Variants in MAGI2 observed in about 807,000 individuals in gnomAD.
The protein encoded by MAGI2 is membrane associated guanylate kinase, WW and PDZ domain containing 2.
In MAGI2, 35 loss-of-function variants were observed where a neutral mutation model predicts 133.3. The ratio of observed to expected loss-of-function variants is 0.26; its 90% CI spans 0.20 to 0.35. The LOEUF (loss-of-function observed/expected upper bound fraction) is 0.35. Ranked by LOEUF, MAGI2 falls within the 10% of genes least tolerant of loss-of-function variation. The pLI is 1.00. For synonymous variants in MAGI2, 729 were observed against 710.6 expected, an observed-to-expected ratio of 1.03 and a Z score of -0.41; for missense variants, 1,636 against 1,863.4, an observed-to-expected ratio of 0.88 and a Z score of 2.25.
chr7:78,640,109 T>C (rs1486457987), intron 2 of MAGI2, among the ~76,000 whole-genome samples: 1 of 152,144 alleles, frequency 6.6e-6, no homozygotes, highest in Non-Finnish European at 1.5e-5. Context: ...TATTCAATTG[T>C]CATAATCCCC....
At chr7:79,240,901 A>G (rs1001775407) in intron 1 of MAGI2, among the ~76,000 whole-genome samples, 35 of 152,156 alleles carry the variant, frequency 2.3e-4, no homozygotes, top group Non-Finnish European at 4.0e-4. Flanking sequence ...GTGAGGAGGT[A>G]ACGGCTGGGC....
At chr7:79,028,235 G>GTATGTA (rs1554336342) in intron 1 of MAGI2, among the ~76,000 whole-genome samples, 4 of 29,334 alleles carry the variant, frequency 1.4e-4, no homozygotes, top group East Asian at 1.1e-3. Flanking sequence ...ATATATGTAT[G>GTATGTA]TATATATATA....
chr7:78,576,788 T>C (rs530431320), intron 3 of MAGI2, among the ~76,000 whole-genome samples: 31 of 152,308 alleles, frequency 2.0e-4, no homozygotes, highest in African/African-American at 7.5e-4. Flanking sequence ...TTCTGAAGTC[T>C]TCCATGTCAT....
At chr7:78,463,804 T>C (rs1409190748) in intron 6 of MAGI2, among the ~76,000 whole-genome samples, 3 of 152,110 alleles carry the variant, frequency 2.0e-5, no homozygotes, top group African/African-American at 7.2e-5. Context: ...TTTTAGTCAA[T>C]GTTGGATTTG....
At chr7:78,333,505 C>CTACTGATTAGA (rs1789446046) in intron 9 of MAGI2, among the ~76,000 whole-genome samples, 1 of 152,212 alleles carries the variant, frequency 6.6e-6, no homozygotes, top group Admixed American at 6.5e-5. Context: ...AGTTGCATTT[C>CTACTGATTAGA]TCTGATTAGA....
intron 9 of MAGI2, among the ~76,000 whole-genome samples, chr7:78,305,793 T>C (rs1562793112): frequency 6.6e-6 from 1 of 152,222 alleles, no homozygotes; most frequent in Non-Finnish European, 1.5e-5. Context: ...ATTGGTAATA[T>C]AGTCTTTTCA....
chr7:79,186,227 TA>T lies in MAGI2; in HGVS notation c.302-179022del, dbSNP rs1562973113. 3.4e-3 allele frequency among the ~76,000 whole-genome samples: 467 copies of T among 136,442 alleles called. 16 individuals carry two copies. Among genetic ancestry groups the T allele is most frequent in the African/African-American group, 0.012 (436 of 35,760 alleles). The allele number at this position is 136,442 out of a possible 152,430, so 89.5% of individuals were successfully genotyped here. Reference sequence around the variant, plus strand: ...ATATATATATATATATATATATATATATATATATATATATATTTATATTTAT... The same window carrying T: ...ATATATATATATATATATATATATATTATATATATATATATTTATATTTAT... On this transcript the variant is annotated intron_variant, in intron 1 of 21. Coordinates refer to ENST00000354212, the MANE Select transcript of MAGI2 (RefSeq NM_012301.4).
chr7:79,245,195 A>G (rs1832732096), intron 1 of MAGI2, among the ~76,000 whole-genome samples: 1 of 152,072 alleles, frequency 6.6e-6, no homozygotes, highest in Non-Finnish European at 1.5e-5. Context: ...GACCTGACAT[A>G]TTCCCAGCTA....
At chr7:79,010,675 C>T (rs956753524) in intron 1 of MAGI2, among the ~76,000 whole-genome samples, 2 of 152,048 alleles carry the variant, frequency 1.3e-5, no homozygotes, top group African/African-American at 2.4e-5. Flanking sequence ...ACATTAATGT[C>T]TCGTTGCATG....
At chr7:79,030,187 GA>G (rs1810430392) in intron 1 of MAGI2, 1 of 152,228 alleles carries the variant, frequency 6.6e-6, no homozygotes, top group Admixed American at 6.5e-5. Context: ...GTTGGTGACT[GA>G]AATGGATTTT....
intron 2 of MAGI2, among the ~76,000 whole-genome samples, chr7:78,929,191 A>C (rs1284812875): frequency 3.3e-5 from 5 of 152,250 alleles, no homozygotes; most frequent in South Asian, 2.1e-4. Context: ...TTTTAGATGC[A>C]ACTAAAAGTA....
chr7:78,422,355 G>A (rs961250108), intron 6 of MAGI2, among the ~76,000 whole-genome samples: 2 of 152,142 alleles, frequency 1.3e-5, no homozygotes, highest in Non-Finnish European at 2.9e-5. Flanking sequence ...AATGTTAATA[G>A]ATCTCAGGTG....
At chr7:78,111,593 C>T (rs766911906) in intron 20 of MAGI2, among the ~76,000 whole-genome samples, 7 of 152,256 alleles carry the variant, frequency 4.6e-5, no homozygotes, top group Non-Finnish European at 8.8e-5. Flanking sequence ...CAACACCACG[C>T]TCTCCCTCAT....
At chr7:78,920,103 T>C (rs1305041147) in intron 2 of MAGI2, among the ~76,000 whole-genome samples, 1 of 152,128 alleles carries the variant, frequency 6.6e-6, no homozygotes, top group East Asian at 1.9e-4. Context: ...ACTAAGCCTC[T>C]ATGAAGAATC....
chr7:78,856,869 C>T (rs1310098476), intron 2 of MAGI2, among the ~76,000 whole-genome samples: 4 of 152,026 alleles, frequency 2.6e-5, no homozygotes, highest in African/African-American at 7.2e-5. Flanking sequence ...CAATATTGAT[C>T]CTTCCTATCC....
At chr7:79,195,020 T>C (rs1827962967) in intron 1 of MAGI2, among the ~76,000 whole-genome samples, 1 of 152,026 alleles carries the variant, frequency 6.6e-6, no homozygotes, top group Non-Finnish European at 1.5e-5. Flanking sequence ...TTGAGTCAAA[T>C]ATTAGAAGGC....
At chr7:78,244,828 G>T (rs1196681590) in intron 10 of MAGI2, among the ~76,000 whole-genome samples, 2 of 140,310 alleles carry the variant, frequency 1.4e-5, no homozygotes, top group Non-Finnish European at 3.0e-5. Flanking sequence ...TCCAAAGATG[G>T]CAAAAAAAAA....
At chr7:78,362,592 C>A (rs1792939555) in intron 7 of MAGI2, among the ~76,000 whole-genome samples, 2 of 152,052 alleles carry the variant, frequency 1.3e-5, no homozygotes, top group South Asian at 2.1e-4. Flanking sequence ...AATGATGCCC[C>A]AAATTATAAA....
chr7:79,342,634 C>A (rs2129101603), intron 1 of MAGI2, among the ~76,000 whole-genome samples: 1 of 152,182 alleles, frequency 6.6e-6, no homozygotes, highest in South Asian at 2.1e-4. Flanking sequence ...TAGTAAGTAC[C>A]ACATATTATT....
Sources: allele counts gnomAD v4.1 joint callset (sites outside exome capture counted in the v4.1 genomes callset), GRCh38; gene constraint gnomAD v4.1.1; transcripts MANE v1.5; gene names NCBI Gene and HGNC (gene_info 2026-07-23, HGNC 2026-07-21).